SOX5: variants seen among roughly 807,000 people sequenced by gnomAD.
The protein encoded by SOX5 is transcription factor SOX-5.
SOX5 carries 9 observed loss-of-function variants against 92.0 expected under a neutral mutation model. That is an observed-to-expected ratio of 0.10 (90% confidence interval 0.06 to 0.17). The LOEUF is 0.17. SOX5 is among the 10% of genes least tolerant of loss of function. SOX5 has a pLI of 1.00. For synonymous variants in SOX5, 344 were observed against 336.3 expected, an observed-to-expected ratio of 1.02 and a Z score of -0.25; for missense variants, 642 against 944.5, an observed-to-expected ratio of 0.68 and a Z score of 4.20.
chr12:23,790,112 C>T (rs1169193972), intron 3 of SOX5, among the ~76,000 whole-genome samples: 4 of 152,066 alleles, frequency 2.6e-5, no homozygotes, highest in Admixed American at 6.6e-5. Flanking sequence ...ACAATTTGGG[C>T]TCAATATGAT....
intron 1 of SOX5, among the ~76,000 whole-genome samples, chr12:23,946,698 G>T (rs1363846771): frequency 6.6e-6 from 1 of 151,834 alleles, no homozygotes; most frequent in Non-Finnish European, 1.5e-5. Flanking sequence ...AGACCATGTT[G>T]CCAGCTATGT....
intron 2 of SOX5, among the ~76,000 whole-genome samples, chr12:24,358,336 T>G (rs1202191848): frequency 6.6e-6 from 1 of 152,236 alleles, no homozygotes; most frequent in African/African-American, 2.4e-5. Flanking sequence ...TAAGAAGCCT[T>G]CTTTGCAATC....
At chr12:23,955,438 C>T (rs1405205878), upstream of SOX5, among the ~76,000 whole-genome samples, 1 of 152,070 alleles carries the variant, frequency 6.6e-6, no homozygotes, top group Non-Finnish European at 1.5e-5. Context: ...AATAGGTTTC[C>T]TTGCCTAATA....
intron 3 of SOX5, among the ~76,000 whole-genome samples, chr12:23,827,053 A>C (rs1322374805): frequency 1.3e-5 from 2 of 152,206 alleles, no homozygotes; most frequent in South Asian, 2.1e-4. Flanking sequence ...CGTTGATATT[A>C]TGTTAATGTG....
intron 6 of SOX5, among the ~76,000 whole-genome samples, chr12:23,728,326 T>C (rs978499877): frequency 6.6e-6 from 1 of 152,186 alleles, no homozygotes; most frequent in Admixed American, 6.6e-5. Flanking sequence ...CTTTCTCAGG[T>C]TGAAATGCTA....
At chr12:24,375,736 C>CAAA (rs34949948) in intron 1 of SOX5, among the ~76,000 whole-genome samples, 6 of 120,352 alleles carry the variant, frequency 5.0e-5, no homozygotes, top group African/African-American at 6.3e-5. Flanking sequence ...AACTCTGTCT[C>CAAA]AAAAAAAAAA....
rs556737998 is a variant in SOX5, at chr12:23,958,941, G to C, written c.-1-62917C>G. Among the ~76,000 whole-genome samples, 10 of 151,658 alleles carry C rather than the reference G, an allele frequency of 6.6e-5. No homozygotes were observed. The East Asian group carries it at 1.9e-3, about 29-fold the overall frequency. On this transcript the variant is annotated intron_variant, in intron 4 of 4. Coordinates refer to the SOX5 transcript ENST00000446891. ...TAACACCTAGTCATTAGAGATAATGGGGAAAAGACCCCATTAGCATTGGTA... is the reference window on the plus strand; with the variant it reads ...TAACACCTAGTCATTAGAGATAATGCGGAAAAGACCCCATTAGCATTGGTA...
At chr12:24,315,634 C>G (rs1370324223) in intron 2 of SOX5, among the ~76,000 whole-genome samples, 1 of 151,590 alleles carries the variant, frequency 6.6e-6, no homozygotes, top group Admixed American at 6.6e-5. Flanking sequence ...CTCTCATTAC[C>G]AGAATCAAGA....
At chr12:23,604,278 G>T (rs2074955947) in intron 9 of SOX5, 109 bp downstream of exon 9, 1 of 1,167,074 alleles carries the variant, frequency 8.6e-7, no homozygotes, top group Non-Finnish European at 1.3e-6. Context: ...TTACCTCCTT[G>T]TACACCCAGA....
chr12:23,752,730 A>G (rs2094218900), intron 4 of SOX5, among the ~76,000 whole-genome samples: 1 of 151,898 alleles, frequency 6.6e-6, no homozygotes, highest in Admixed American at 6.6e-5. Context: ...TAAGGGCAAA[A>G]GAATCTGTAA....
At position 23,575,696 on chromosome 12, in the gene SOX5, G is replaced by A. The variant is rs745428574; in HGVS notation, c.1307C>T (p.Ala436Val). 2.5e-6 allele frequency: 4 copies of A among 1,614,174 alleles called. No homozygotes were observed. Among genetic ancestry groups the A allele is most frequent in the Non-Finnish European group, 2.5e-6 (3 of 1,180,008 alleles). Residue 436 changes from alanine (A) to valine (V), a missense_variant, in exon 10 of 15, where the codon GCG (alanine) becomes GTG (valine). Physicochemically the swap from Ala to Val is moderately conservative, Grantham distance 64. This residue lies in a region of SOX5 where 324 missense variants were observed against 461.6 expected (regional missense o/e 0.70). Coordinates refer to ENST00000451604, the MANE Select transcript of SOX5 (RefSeq NM_006940.6). ...AACTCTGGCTGAAGGACTAGCTAACGCTGCTGGGACAGAGGCTTTGAGGGG... is the reference window on the plus strand; with the variant it reads ...AACTCTGGCTGAAGGACTAGCTAACACTGCTGGGACAGAGGCTTTGAGGGG... Reference protein sequence around the residue: ...AGPLKASVPAALASPSARVST... With the variant: ...AGPLKASVPAVLASPSARVST...
At chr12:24,193,622 T>C (rs1956734673) in intron 4 of SOX5, among the ~76,000 whole-genome samples, 1 of 152,244 alleles carries the variant, frequency 6.6e-6, no homozygotes, top group Non-Finnish European at 1.5e-5. Context: ...ATCCTTGTGT[T>C]TGGCTAATAT....
At position 24,540,565 on chromosome 12, in the gene SOX5, T is replaced by A. The variant is rs78541966; in HGVS notation, c.-251+21764A>T. On this transcript the variant is annotated intron_variant, in intron 1 of 4. Coordinates refer to the SOX5 transcript ENST00000446891. ...CATTTTCATCATTTCAGAGAGACAT[T>A]TATAGCCAATTCTGGTGAATTAAAA... is the stretch of plus-strand genomic sequence containing the variant. Among the ~76,000 whole-genome samples, 130 of 152,248 alleles carry A rather than the reference T, an allele frequency of 8.5e-4. No individual in the cohort carries two copies. The East Asian group carries it at 8.7e-3, about 10-fold the overall frequency.
chr12:23,921,484 T>C (rs985704860), intron 1 of SOX5, among the ~76,000 whole-genome samples: 1 of 152,202 alleles, frequency 6.6e-6, no homozygotes, highest in Admixed American at 6.5e-5. Flanking sequence ...GTCTCTGTTT[T>C]TACACATGAA....
intron 1 of SOX5, among the ~76,000 whole-genome samples, chr12:24,476,261 G>T (rs1484460212): frequency 6.6e-6 from 1 of 152,166 alleles, no homozygotes; most frequent in Non-Finnish European, 1.5e-5. Context: ...CTTGGATTTT[G>T]TATATCTCTG....
At chr12:23,864,218 A>C (rs1176114141) in intron 2 of SOX5, among the ~76,000 whole-genome samples, 3 of 152,068 alleles carry the variant, frequency 2.0e-5, no homozygotes, top group Non-Finnish European at 4.4e-5. Context: ...AACTTAGTAA[A>C]TGCTGTATGT....
At chr12:24,045,093 A>G (rs1282076337) in intron 4 of SOX5, among the ~76,000 whole-genome samples, 1 of 152,174 alleles carries the variant, frequency 6.6e-6, no homozygotes, top group African/African-American at 2.4e-5. Context: ...GGCCATGCAT[A>G]GCCTCAAAAT....
chr12:23,581,928 G>A (rs967058597), intron 9 of SOX5, among the ~76,000 whole-genome samples: 1 of 151,454 alleles, frequency 6.6e-6, no homozygotes, highest in Admixed American at 6.6e-5. Flanking sequence ...AAAATTTCAG[G>A]CTTCTTCCTC....
intron 4 of SOX5, among the ~76,000 whole-genome samples, chr12:23,997,520 A>G (rs1436669080): frequency 3.3e-5 from 5 of 152,172 alleles, no homozygotes; most frequent in Non-Finnish European, 5.9e-5. Context: ...AAACTTGCAC[A>G]TATCTTGGGG....
Sources: allele counts gnomAD v4.1 joint callset (sites outside exome capture counted in the v4.1 genomes callset), GRCh38; gene constraint gnomAD v4.1.1; regional missense constraint gnomAD v4.1.1; transcripts MANE v1.5; gene names NCBI Gene and HGNC (gene_info 2026-07-23, HGNC 2026-07-21).